TWSG1: variants seen among roughly 807,000 people sequenced by gnomAD.
TWSG1 encodes twisted gastrulation protein homolog 1.
In TWSG1, 15 loss-of-function variants were observed where a neutral mutation model predicts 23.0. The observed-to-expected ratio is 0.65, with a 90% CI of 0.44 to 1.00. TWSG1 has a LOEUF of 1.00. Among genes scored for constraint, TWSG1 ranks in the 50% least tolerant of loss-of-function variants. The probability of loss-of-function intolerance (pLI) is 0.00; values close to 1 mark genes in which losing one functional copy is unlikely to be tolerated. For synonymous variants in TWSG1, 86 were observed against 92.8 expected (o/e 0.93, Z 0.42); for missense variants, 242 against 278.7 (o/e 0.87, Z 0.94).
intron 2 of TWSG1, among the ~76,000 whole-genome samples, chr18:9,343,033 G>C (rs2040452966): frequency 6.6e-6 from 1 of 151,646 alleles, no homozygotes; most frequent in African/African-American, 2.4e-5. Context: ...ATTCTCTATA[G>C]GTAACTTTGT....
intron 3 of TWSG1, among the ~76,000 whole-genome samples, chr18:9,366,711 A>G (rs902910283): frequency 2.0e-5 from 3 of 152,208 alleles, no homozygotes; most frequent in African/African-American, 7.2e-5. Context: ...AGGAATAAAT[A>G]GGTGCTAGGA....
intron 2 of TWSG1, among the ~76,000 whole-genome samples, chr18:9,354,556 T>C (rs2040516209): frequency 6.6e-6 from 1 of 152,194 alleles, no homozygotes; most frequent in African/African-American, 2.4e-5. Context: ...GAAATAATAG[T>C]AAAATAGAAA....
Position 9,394,780 on chromosome 18 carries a change from ACACG to A in TWSG1, c.224-1492_224-1489del, listed in dbSNP as rs200633707. On this transcript the variant is annotated intron_variant, in intron 3 of 4. Transcript: ENST00000262120. ...CACACACACATGCATGCATGCACAC[ACACG>A]CACGCACACACATGATCATTCATGT... is the stretch of plus-strand genomic sequence containing the variant. 1.4e-3 allele frequency among the ~76,000 whole-genome samples: 213 copies of A among 152,210 alleles called. 1 individual carries two copies. The highest frequency in any genetic ancestry group is 5.0e-3 in the African/African-American group (207 of 41,544).
chr18:9,344,532 T>TGTA (rs1491153239), intron 2 of TWSG1, among the ~76,000 whole-genome samples: 1 of 16,702 alleles, frequency 6.0e-5, no homozygotes, highest in South Asian at 9.7e-4. Context: ...TATGTATGTA[T>TGTA]TTTTTTTTTT....
chr18:9,339,243 C>T (rs1474393249), intron 2 of TWSG1, among the ~76,000 whole-genome samples: 2 of 151,714 alleles, frequency 1.3e-5, no homozygotes, highest in African/African-American at 4.8e-5. Flanking sequence ...AAATACCTTG[C>T]TTTTAAAGGG....
chr18:9,336,944 A>G (rs2040425884), intron 1 of TWSG1, among the ~76,000 whole-genome samples: 1 of 152,130 alleles, frequency 6.6e-6, no homozygotes, highest in Non-Finnish European at 1.5e-5. Context: ...GCATGGTGGT[A>G]TTGTCTGTAG....
At chr18:9,336,503 C>T (rs1160544118) in intron 1 of TWSG1, among the ~76,000 whole-genome samples, 2 of 152,002 alleles carry the variant, frequency 1.3e-5, no homozygotes, top group Non-Finnish European at 2.9e-5. Flanking sequence ...TAAGAAGTGA[C>T]TCTGTGGACT....
chr18:9,337,705 A>G (rs2040429070), intron 2 of TWSG1, among the ~76,000 whole-genome samples: 1 of 152,252 alleles, frequency 6.6e-6, no homozygotes, highest in Non-Finnish European at 1.5e-5. Context: ...TGGTCAAATA[A>G]TAGATAAATT....
At chr18:9,343,668 G>A (rs1297150411) in intron 2 of TWSG1, among the ~76,000 whole-genome samples, 3 of 152,050 alleles carry the variant, frequency 2.0e-5, no homozygotes, top group Non-Finnish European at 4.4e-5. Context: ...ATCATACCTT[G>A]TCTTTTGTGT....
chr18:9,381,367 G>A (rs2040655441), intron 3 of TWSG1, among the ~76,000 whole-genome samples: 1 of 152,128 alleles, frequency 6.6e-6, no homozygotes, highest in Admixed American at 6.5e-5. Context: ...TGTAGTGGTT[G>A]AAGTATATAA....
chr18:9,335,097 G>GA (rs1359222530), intron 1 of TWSG1, among the ~76,000 whole-genome samples, 177 bp downstream of exon 1: 12 of 152,128 alleles, frequency 7.9e-5, no homozygotes, highest in African/African-American at 2.7e-4. Flanking sequence ...CGGGCGCACA[G>GA]GCCGGACGCC....
At chr18:9,379,431 A>T (rs927582308) in intron 3 of TWSG1, among the ~76,000 whole-genome samples, 2 of 152,094 alleles carry the variant, frequency 1.3e-5, no homozygotes, top group Non-Finnish European at 2.9e-5. Flanking sequence ...CAGAAAACCA[A>T]AGACCGTTAT....
At chr18:9,371,359 T>C in intron 3 of TWSG1, among the ~76,000 whole-genome samples, 1 of 150,986 alleles carries the variant, frequency 6.6e-6, no homozygotes, top group South Asian at 2.1e-4. Flanking sequence ...TGCAATGGTG[T>C]GATCTTGGCT....
At chr18:9,386,647 G>GA (rs906534961) in intron 3 of TWSG1, among the ~76,000 whole-genome samples, 3 of 151,370 alleles carry the variant, frequency 2.0e-5, no homozygotes, top group Non-Finnish European at 1.5e-5. Flanking sequence ...CCAAAGCTGA[G>GA]AAAAAAAACA....
intron 3 of TWSG1, among the ~76,000 whole-genome samples, chr18:9,381,133 AC>A (rs1330873272): frequency 1.3e-5 from 2 of 152,208 alleles, no homozygotes; most frequent in African/African-American, 4.8e-5. Context: ...AGCAATGAAA[AC>A]TTGTGTCTAC....
intron 3 of TWSG1, among the ~76,000 whole-genome samples, chr18:9,393,704 C>G (rs1028345370): frequency 2.0e-5 from 3 of 152,006 alleles, no homozygotes; most frequent in African/African-American, 4.8e-5. Flanking sequence ...ACTACAAGCA[C>G]GCATCATCAT....
At chr18:9,399,162 G>C (rs1034358249) in intron 4 of TWSG1, among the ~76,000 whole-genome samples, 184 bp from the exon 5 acceptor site, 1 of 152,188 alleles carries the variant, frequency 6.6e-6, no homozygotes, top group Non-Finnish European at 1.5e-5. Context: ...GGGAGAATCT[G>C]ACTTCCTTCT....
chr18:9,397,703 C>A (rs1417442684), intron 4 of TWSG1, among the ~76,000 whole-genome samples: 2 of 152,052 alleles, frequency 1.3e-5, no homozygotes, highest in Non-Finnish European at 2.9e-5. Context: ...CATTACATTC[C>A]TACCTATATA....
intron 4 of TWSG1, chr18:9,396,857 G>A (rs1056433862): frequency 6.9e-5 from 30 of 435,600 alleles, no homozygotes; most frequent in South Asian, 6.8e-4. Context: ...TCAAGAGTTC[G>A]AGACCAGCCT....
Sources: allele counts gnomAD v4.1 joint callset (sites outside exome capture counted in the v4.1 genomes callset), GRCh38; gene constraint gnomAD v4.1.1; transcripts MANE v1.5; gene names NCBI Gene and HGNC (gene_info 2026-07-23, HGNC 2026-07-21).